Variants in HRH1 observed in about 807,000 individuals in gnomAD.
HRH1 encodes the protein histamine H1 receptor.
Under a neutral mutation model 10.3 loss-of-function variants are expected in HRH1, and 6 were observed. That is an observed-to-expected ratio of 0.58 (90% CI 0.32 to 1.15). The LOEUF (loss-of-function observed/expected upper bound fraction) is 1.15, where lower values mean the gene tolerates loss of function less well. Among genes scored for constraint, HRH1 ranks in the 50% most tolerant of loss-of-function variants. The probability of loss-of-function intolerance (pLI) is 0.05; values close to 1 mark genes in which losing one functional copy is unlikely to be tolerated. For synonymous variants in HRH1, 242 were observed against 236.7 expected, an observed-to-expected ratio of 1.02 and a Z score of -0.21; for missense variants, 514 against 615.3, an observed-to-expected ratio of 0.84 and a Z score of 1.74.
At chr3:11,185,117 G>A (rs1227496553) in intron 1 of HRH1, among the ~76,000 whole-genome samples, 1 of 151,902 alleles carries the variant, frequency 6.6e-6, no homozygotes, top group African/African-American at 2.4e-5. Flanking sequence ...AAAACCTGGG[G>A]ACTGTGAAAA....
chr3:11,177,008 G>A (rs1007398940), intron 1 of HRH1, among the ~76,000 whole-genome samples: 9 of 151,836 alleles, frequency 5.9e-5, no homozygotes, highest in African/African-American at 2.2e-4. Context: ...CATGAGAATC[G>A]CTTAAACCTG....
At chr3:11,143,664 G>A (rs1936340665) in intron 1 of HRH1, among the ~76,000 whole-genome samples, 1 of 152,170 alleles carries the variant, frequency 6.6e-6, no homozygotes. Context: ...GTAGATGAAT[G>A]GTGACCCCTG....
At chr3:11,182,707 T>C (rs1370357271) in intron 1 of HRH1, among the ~76,000 whole-genome samples, 3 of 152,158 alleles carry the variant, frequency 2.0e-5, no homozygotes, top group Non-Finnish European at 4.4e-5. Flanking sequence ...TCCAGTGTGG[T>C]AAGCACTGCC....
intron 1 of HRH1, among the ~76,000 whole-genome samples, chr3:11,253,798 C>T (rs1421523138): frequency 1.3e-5 from 2 of 152,280 alleles, no homozygotes; most frequent in African/African-American, 2.4e-5. Flanking sequence ...CTCCTTTCTT[C>T]TCCTGAGAAT....
Position 11,256,388 on chromosome 3 carries a change from TG to T in HRH1, c.-35-2612del, listed in dbSNP as rs201304335. Among the ~76,000 whole-genome samples the T allele has an allele frequency of 1.1e-3, 163 of 152,300 alleles. No homozygotes were observed. The East Asian group carries it at 0.025, about 23-fold the overall frequency. On this transcript the variant is annotated intron_variant, in intron 1 of 1. Transcript: ENST00000431010. ...CACTGAGAAAATAAATGGTAGAGCT[TG>T]GGCAAAATCAGTGCTGCCCAAAATG...
chr3:11,223,084 C>A lies in HRH1; in HGVS notation c.-35-35919C>A, dbSNP rs541617857. Among the ~76,000 whole-genome samples, 22 of 146,442 alleles carry A rather than the reference C, an allele frequency of 1.5e-4. No individual in the cohort carries two copies. The South Asian group carries it at 4.7e-3, about 31-fold the overall frequency. The stretch of plus-strand genomic sequence containing the variant: ...CCTGTAGTCCCAGCTACTCAGGAAG[C>A]TGCGGCAGGAGAATCGCTTGAATCC... On this transcript the variant is annotated intron_variant, in intron 1 of 1. Coordinates refer to ENST00000431010, the MANE Select transcript of HRH1 (RefSeq NM_001098212.2).
Position 11,238,768 on chromosome 3 carries a change from A to G in HRH1, c.-35-20235A>G, listed in dbSNP as rs539293824. On this transcript the variant is annotated intron_variant, in intron 1 of 1. Transcript: ENST00000431010. Reference sequence around the variant, plus strand: ...TTGCCAATTCTGGACGTTTCATATAAATGGAATCATTCAATGTGTTGCCTT... The same window carrying G: ...TTGCCAATTCTGGACGTTTCATATAGATGGAATCATTCAATGTGTTGCCTT... 1.3e-3 allele frequency among the ~76,000 whole-genome samples: 203 copies of G among 152,308 alleles called. 3 individuals carry two copies. The highest frequency in any genetic ancestry group is 9.2e-4 in the Admixed American group (14 of 15,296).
chr3:11,141,104 C>T (rs370356404), intron 1 of HRH1, among the ~76,000 whole-genome samples: 1 of 152,092 alleles, frequency 6.6e-6, no homozygotes, highest in South Asian at 2.1e-4. Flanking sequence ...CATATTTTGC[C>T]TAGAGTCATA....
intron 1 of HRH1, among the ~76,000 whole-genome samples, chr3:11,225,760 A>G (rs1184297755): frequency 6.6e-6 from 1 of 152,208 alleles, no homozygotes; most frequent in East Asian, 1.9e-4. Context: ...ATCTCGGCTC[A>G]CTTCAACCTC....
At chr3:11,205,382 C>A (rs944806936) in intron 1 of HRH1, among the ~76,000 whole-genome samples, 2 of 152,172 alleles carry the variant, frequency 1.3e-5, no homozygotes, top group African/African-American at 4.8e-5. Flanking sequence ...AAGCAGTTCT[C>A]TGGAAACAGA....
At chr3:11,226,074 C>A (rs80135609) in intron 1 of HRH1, 1 of 152,476 alleles carries the variant, frequency 6.6e-6, no homozygotes, top group Admixed American at 6.5e-5. Flanking sequence ...GGGGTGTACA[C>A]GAGCAGGGCC....
chr3:11,177,029 A>AT (rs1429726975), intron 1 of HRH1, among the ~76,000 whole-genome samples: 1 of 151,854 alleles, frequency 6.6e-6, no homozygotes, highest in Non-Finnish European at 1.5e-5. Flanking sequence ...GGAAGCAGAG[A>AT]TTGTAGTGAG....
rs555931711 is a variant in HRH1 at position 11,216,114 on chromosome 3, C to G, written c.-35-42889C>G. ...ATCCCAATATGGTTAGTCGAGGGCCCTGAACACTCCCTGAATGGTGAGTGG... is the reference window on the plus strand; with the variant it reads ...ATCCCAATATGGTTAGTCGAGGGCCGTGAACACTCCCTGAATGGTGAGTGG... On this transcript the variant is annotated intron_variant, in intron 1 of 1. Coordinates refer to ENST00000431010, the MANE Select transcript of HRH1 (RefSeq NM_001098212.2). Among the ~76,000 whole-genome samples the G allele has an allele frequency of 1.4e-4, 22 of 152,156 alleles. No individual in the cohort carries two copies. In the South Asian group the frequency reaches 4.4e-3, roughly 30 times the overall value.
At chr3:11,238,948 T>C (rs916677886) in intron 1 of HRH1, among the ~76,000 whole-genome samples, 1 of 150,612 alleles carries the variant, frequency 6.6e-6, no homozygotes, top group African/African-American at 2.5e-5. Flanking sequence ...TTCCACTTTT[T>C]GGTGGTTATG....
chr3:11,224,695 A>G (rs1299240181), intron 1 of HRH1, among the ~76,000 whole-genome samples: 2 of 139,890 alleles, frequency 1.4e-5, no homozygotes, highest in Admixed American at 7.8e-5. Context: ...GCGAGACTCC[A>G]TCTCAAAAAA....
intron 1 of HRH1, among the ~76,000 whole-genome samples, chr3:11,172,490 C>T (rs1197721643): frequency 5.9e-5 from 9 of 152,078 alleles, no homozygotes; most frequent in Non-Finnish European, 1.0e-4. Context: ...AAATTGGAAC[C>T]CTCTATGGGT....
At chr3:11,237,707 G>A (rs1467978443) in intron 1 of HRH1, among the ~76,000 whole-genome samples, 1 of 94,832 alleles carries the variant, frequency 1.1e-5, no homozygotes, top group African/African-American at 4.2e-5. Flanking sequence ...ATGGAGTCTT[G>A]CTCTGTCAAC....
chr3:11,253,617 T>C (rs1184934631), intron 1 of HRH1, among the ~76,000 whole-genome samples: 2 of 152,212 alleles, frequency 1.3e-5, no homozygotes, highest in African/African-American at 4.8e-5. Flanking sequence ...GCACTAATTC[T>C]CAAATTCCTT....
At chr3:11,171,625 A>T (rs1358027624) in intron 1 of HRH1, among the ~76,000 whole-genome samples, 1 of 152,250 alleles carries the variant, frequency 6.6e-6, no homozygotes, top group Non-Finnish European at 1.5e-5. Flanking sequence ...CAGTGCCAAG[A>T]AGCATTCAGA....
Sources: allele counts gnomAD v4.1 joint callset (sites outside exome capture counted in the v4.1 genomes callset), GRCh38; gene constraint gnomAD v4.1.1; transcripts MANE v1.5; gene names NCBI Gene and HGNC (gene_info 2026-07-23, HGNC 2026-07-21).